Variants in BTG3 observed in about 807,000 individuals in gnomAD.
BTG3 encodes protein BTG3.
BTG3 carries 4 observed loss-of-function variants against 25.8 expected under a neutral mutation model. The observed-to-expected ratio is 0.16, with a 90% CI of 0.08 to 0.36. The LOEUF is 0.36. Ranked by LOEUF, BTG3 falls within the 10% of genes least tolerant of loss-of-function variation. The pLI is 1.00. For synonymous variants in BTG3, 107 were observed against 99.9 expected, an observed-to-expected ratio of 1.07 and a Z score of -0.42; for missense variants, 201 against 304.9, an observed-to-expected ratio of 0.66 and a Z score of 2.54.
intron 3 of BTG3, 22 bp from the exon 4 acceptor site, chr21:17,598,846 T>A: frequency 6.3e-7 from 1 of 1,593,650 alleles, no homozygotes; most frequent in Non-Finnish European, 8.5e-7. Flanking sequence ...ATTAAAAACT[T>A]ACAAATCTTG....
Position 17,594,012 on chromosome 21 carries a change from TAAG to T in BTG3, c.*78_*80del. 6.7e-7 allele frequency: 1 copy of T among 1,492,360 alleles called. No individual in the cohort carries two copies. Among genetic ancestry groups the T allele is most frequent in the Non-Finnish European group, 9.0e-7 (1 of 1,113,138 alleles). 92.4% of individuals were successfully genotyped at this position (1,492,360 alleles called of 1,614,324 possible). ...GCCCATCTAACTTCACTACTATTAG[TAAG>T]AACTTTTAACTTTTAATGTGTAGTA... On this transcript the variant is annotated 3_prime_UTR_variant, in exon 5 of 5. Coordinates refer to ENST00000348354, the MANE Select transcript of BTG3 (RefSeq NM_006806.5).
At chr21:17,600,620 A>C (rs1467410672) in intron 3 of BTG3, among the ~76,000 whole-genome samples, 2 of 152,112 alleles carry the variant, frequency 1.3e-5, no homozygotes, top group African/African-American at 4.8e-5. Context: ...CAGGAATTTG[A>C]GACCAGTCTG....
chr21:17,597,418 G>A (rs918369809), intron 4 of BTG3, among the ~76,000 whole-genome samples: 3 of 151,518 alleles, frequency 2.0e-5, no homozygotes, highest in Non-Finnish European at 4.4e-5. Context: ...TTATGGCAAG[G>A]TTTTTAAAAA....
At chr21:17,610,384 T>G (rs2061703436) in intron 1 of BTG3, among the ~76,000 whole-genome samples, 1 of 152,200 alleles carries the variant, frequency 6.6e-6, no homozygotes, top group Admixed American at 6.5e-5. Flanking sequence ...TTTCCGAAAG[T>G]ACTCTTTCAG....
intron 3 of BTG3, among the ~76,000 whole-genome samples, chr21:17,601,750 T>A (rs1371461939): frequency 4.6e-5 from 7 of 152,190 alleles, no homozygotes; most frequent in Non-Finnish European, 7.3e-5. Flanking sequence ...CTATCTTCAG[T>A]TTTGCCCATT....
intron 1 of BTG3, among the ~76,000 whole-genome samples, chr21:17,610,513 A>G (rs1476167062): frequency 6.6e-6 from 1 of 152,244 alleles, no homozygotes; most frequent in Non-Finnish European, 1.5e-5. Context: ...AGAAATAATC[A>G]GAGATTTAGC....
At chr21:17,607,835 A>C (rs2061664571) in intron 2 of BTG3, among the ~76,000 whole-genome samples, 3 of 152,250 alleles carry the variant, frequency 2.0e-5, no homozygotes, top group African/African-American at 7.2e-5. Flanking sequence ...TGAGTTTAGC[A>C]GAACATTCTC....
At position 17,603,187 on chromosome 21, in the gene BTG3, T is replaced by C. The variant is rs1398497513; in HGVS notation, c.311+1673A>G. On this transcript the variant is annotated intron_variant, in intron 3 of 4. Coordinates refer to ENST00000348354, the MANE Select transcript of BTG3 (RefSeq NM_006806.5). ...TAAACAATTCAATATAGTAGCTTTT[T>C]GACAGCTATTTCTTATAAATGGAGG... Among the ~76,000 whole-genome samples, 10 of 152,346 alleles carry C rather than the reference T, an allele frequency of 6.6e-5. 1 individual carries two copies. In the East Asian group the frequency reaches 1.9e-3, roughly 29 times the overall value.
Position 17,599,081 on chromosome 21 carries a change from T to TA in BTG3, c.312-258dup, listed in dbSNP as rs551777196. On this transcript the variant is annotated intron_variant, in intron 3 of 4. Coordinates refer to ENST00000348354, the MANE Select transcript of BTG3 (RefSeq NM_006806.5). ...CCCTTATTTTCTTTCTACTAATTCC[T>TA]AAAAAAAAAATTGTTTAAAACATCA... is the stretch of plus-strand genomic sequence containing the variant. 9.4e-3 allele frequency: 2,962 copies of TA among 315,602 alleles called. 2 individuals are homozygous for TA. Among genetic ancestry groups the TA allele is most frequent in the Middle Eastern group, 0.014 (15 of 1,104 alleles). 19.6% of individuals were successfully genotyped at this position (315,602 alleles called of 1,614,324 possible).
chr21:17,600,003 C>T (rs1210432700), intron 3 of BTG3, among the ~76,000 whole-genome samples: 1 of 152,010 alleles, frequency 6.6e-6, no homozygotes, highest in Non-Finnish European at 1.5e-5. Context: ...TTCAGAGTTT[C>T]CTAGGATAAC....
intron 2 of BTG3, 48 bp from the exon 3 acceptor site, chr21:17,605,045 T>C (rs1374156753): frequency 6.3e-7 from 1 of 1,587,270 alleles, no homozygotes; most frequent in African/African-American, 1.3e-5. Flanking sequence ...AATTTAATCA[T>C]AAACGCCGTA....
intron 2 of BTG3, among the ~76,000 whole-genome samples, chr21:17,606,152 T>C (rs889268807): frequency 6.6e-6 from 1 of 152,204 alleles, no homozygotes; most frequent in Non-Finnish European, 1.5e-5. Flanking sequence ...ATTTCCTAAA[T>C]GCTTTGCATG....
intron 3 of BTG3, chr21:17,604,191 C>A: frequency 8.2e-7 from 1 of 1,221,392 alleles, no homozygotes; most frequent in East Asian, 7.1e-5. Flanking sequence ...CGCCTGTAAT[C>A]CAGCGCTTTG....
chr21:17,606,714 TAAC>T (rs1237213366), intron 2 of BTG3, among the ~76,000 whole-genome samples: 4 of 152,164 alleles, frequency 2.6e-5, no homozygotes, highest in Admixed American at 1.3e-4. Context: ...ACTTATCCAT[TAAC>T]TACTCTTCAA....
chr21:17,603,222 C>A (rs1044037647), intron 3 of BTG3, among the ~76,000 whole-genome samples: 25 of 152,166 alleles, frequency 1.6e-4, no homozygotes, highest in African/African-American at 5.6e-4. Context: ...GTCTTCTGCA[C>A]AGGTTCAGTG....
chr21:17,601,687 C>T (rs557399403), intron 3 of BTG3, among the ~76,000 whole-genome samples: 2 of 152,294 alleles, frequency 1.3e-5, no homozygotes, highest in African/African-American at 4.8e-5. Context: ...AATTTCAAGA[C>T]AATCAAGGGT....
chr21:17,607,177 G>C (rs576349319), intron 2 of BTG3, among the ~76,000 whole-genome samples: 1 of 152,128 alleles, frequency 6.6e-6, no homozygotes, highest in Non-Finnish European at 1.5e-5. Flanking sequence ...AATCGTTTCA[G>C]TTTTTTTCTC....
chr21:17,595,010 A>G (rs571145522), intron 4 of BTG3, among the ~76,000 whole-genome samples: 8 of 152,140 alleles, frequency 5.3e-5, no homozygotes, highest in African/African-American at 1.9e-4. Flanking sequence ...AGTTAAAAAA[A>G]AAAAAAGATA....
At position 17,609,241 on chromosome 21, in the gene BTG3, T is replaced by TC. The variant is rs1445990775; in HGVS notation, c.-8-90dup. 7.4e-6 allele frequency: 9 copies of TC among 1,210,384 alleles called. No homozygotes were observed. In the African/African-American group the frequency reaches 1.2e-4, roughly 16 times the overall value. 75.0% of individuals were successfully genotyped at this position (1,210,384 alleles called of 1,614,324 possible). A position where few individuals can be genotyped will look rare whatever the true frequency, so the allele number is the denominator to read the frequency against. ...GTAAGATATACCTCCTTTACAGCTC[T>TC]CCCCTTCCTCCTTCCAATTTTATCT... is the stretch of plus-strand genomic sequence containing the variant. On this transcript the variant is annotated intron_variant, in intron 1 of 4. Transcript: ENST00000348354.
Sources: allele counts gnomAD v4.1 joint callset (sites outside exome capture counted in the v4.1 genomes callset), GRCh38; gene constraint gnomAD v4.1.1; transcripts MANE v1.5; gene names NCBI Gene and HGNC (gene_info 2026-07-23, HGNC 2026-07-21).